Variants in SLC9A9 observed in about 807,000 individuals in gnomAD.
The protein encoded by SLC9A9 is solute carrier family 9 member A9, also known as sodium/hydrogen exchanger 9.
SLC9A9 carries 62 observed loss-of-function variants against 77.8 expected under a neutral mutation model. The observed-to-expected ratio is 0.80, with a 90% CI of 0.65 to 0.98. SLC9A9 has a LOEUF of 0.98. SLC9A9 is among the 50% of genes least tolerant of loss of function. The pLI, the probability that SLC9A9 is intolerant of heterozygous loss-of-function variation, is 0.00. For missense variants in SLC9A9, 775 were observed against 774.9 expected (o/e 1.00, Z 0.00); for synonymous variants, 320 against 283.5 (o/e 1.13, Z -1.29).
chr3:143,749,800 T>G (rs904756815), intron 4 of SLC9A9, among the ~76,000 whole-genome samples: 4 of 152,218 alleles, frequency 2.6e-5, no homozygotes, highest in African/African-American at 4.8e-5. Flanking sequence ...AGTATATTCC[T>G]ATATGGAAAT....
chr3:143,478,954 T>G (rs1159232038), intron 11 of SLC9A9, among the ~76,000 whole-genome samples: 8 of 152,244 alleles, frequency 5.3e-5, no homozygotes. Context: ...TGTGACACTT[T>G]GGATATCCTA....
intron 2 of SLC9A9, among the ~76,000 whole-genome samples, chr3:143,824,966 A>T (rs910056894): frequency 6.6e-6 from 1 of 152,230 alleles, no homozygotes; most frequent in African/African-American, 2.4e-5. Flanking sequence ...GCCAAACTTG[A>T]CATTCTCTGG....
intron 14 of SLC9A9, among the ~76,000 whole-genome samples, chr3:143,351,924 A>C (rs1227743275): frequency 6.6e-6 from 1 of 152,172 alleles, no homozygotes; most frequent in African/African-American, 2.4e-5. Context: ...TGAGGACTTT[A>C]GACTAAGAAA....
At chr3:143,688,770 T>TTTA in intron 5 of SLC9A9, among the ~76,000 whole-genome samples, 1 of 152,060 alleles carries the variant, frequency 6.6e-6, no homozygotes, top group Admixed American at 6.6e-5. Context: ...TCATGTTCTT[T>TTTA]CAATCAACCT....
intron 12 of SLC9A9, among the ~76,000 whole-genome samples, chr3:143,433,989 C>A (rs944820082): frequency 9.2e-5 from 14 of 152,196 alleles, no homozygotes; most frequent in Non-Finnish European, 1.9e-4. Context: ...GCTTTCCTGG[C>A]TCTGTCACCT....
chr3:143,632,218 G>A (rs938060017), intron 6 of SLC9A9, among the ~76,000 whole-genome samples: 2 of 152,152 alleles, frequency 1.3e-5, no homozygotes, highest in African/African-American at 4.8e-5. Context: ...TACGATCTCA[G>A]CTTTGCAAAA....
intron 12 of SLC9A9, among the ~76,000 whole-genome samples, chr3:143,384,700 A>C (rs1257272778): frequency 1.3e-5 from 2 of 152,136 alleles, no homozygotes; most frequent in Non-Finnish European, 2.9e-5. Flanking sequence ...ACTGGGAAGA[A>C]GACTGTACCT....
At chr3:143,794,696 C>T (rs1316974255) in intron 4 of SLC9A9, among the ~76,000 whole-genome samples, 3 of 152,084 alleles carry the variant, frequency 2.0e-5, no homozygotes, top group Admixed American at 6.5e-5. Flanking sequence ...GTGAGCATAT[C>T]GGCATTACTC....
intron 2 of SLC9A9, among the ~76,000 whole-genome samples, chr3:143,820,027 A>G (rs2009125854): frequency 2.0e-5 from 3 of 152,224 alleles, no homozygotes; most frequent in African/African-American, 2.4e-5. Flanking sequence ...CAACAATAGC[A>G]AGTAACACTT....
intron 14 of SLC9A9, among the ~76,000 whole-genome samples, chr3:143,359,964 GACTGTATCATGTA>G: frequency 6.6e-6 from 1 of 152,184 alleles, no homozygotes; most frequent in African/African-American, 2.4e-5. Context: ...GTGAGCTCTG[GACTGTATCATGTA>G]AGGAGTCCTA....
intron 6 of SLC9A9, among the ~76,000 whole-genome samples, chr3:143,612,421 G>C (rs113753481): frequency 6.6e-6 from 1 of 152,146 alleles, no homozygotes; most frequent in Non-Finnish European, 1.5e-5. Flanking sequence ...AACCCTAAGT[G>C]AATAAGAGCT....
At chr3:143,279,348 A>G (rs1276802405) in intron 14 of SLC9A9, among the ~76,000 whole-genome samples, 1 of 152,230 alleles carries the variant, frequency 6.6e-6, no homozygotes, top group Non-Finnish European at 1.5e-5. Context: ...TGCCATAGGA[A>G]TGACCCATGT....
At chr3:143,562,261 G>A (rs2037100314) in intron 8 of SLC9A9, among the ~76,000 whole-genome samples, 1 of 152,180 alleles carries the variant, frequency 6.6e-6, no homozygotes, top group Non-Finnish European at 1.5e-5. Context: ...CTCAAAGGGA[G>A]TAATTTCTTT....
At chr3:143,393,776 C>A (rs1202990292) in intron 12 of SLC9A9, among the ~76,000 whole-genome samples, 1 of 151,676 alleles carries the variant, frequency 6.6e-6, no homozygotes, top group Non-Finnish European at 1.5e-5. Context: ...GATATCACCA[C>A]CGATCCCACA....
chr3:143,424,158 C>T (rs932842461), intron 12 of SLC9A9, among the ~76,000 whole-genome samples: 6 of 151,850 alleles, frequency 4.0e-5, no homozygotes, highest in East Asian at 1.9e-4. Context: ...ATTGTGGTTA[C>T]GTAGGATTCT....
chr3:143,356,183 T>C lies in SLC9A9; in HGVS notation c.1604+7301A>G, dbSNP rs185348330. ...ACTTGTCAGGTCTCCAGAAGAGTTT[T>C]ATACCAACTACAGAATATTGCAGTG... On this transcript the variant is annotated intron_variant, in intron 14 of 15. Transcript: ENST00000316549. Among the ~76,000 whole-genome samples the C allele has an allele frequency of 2.0e-5, 3 of 152,310 alleles. No homozygotes were observed. In the East Asian group the frequency reaches 5.8e-4, roughly 29 times the overall value.
chr3:143,757,003 A>G (rs992833740), intron 4 of SLC9A9, among the ~76,000 whole-genome samples: 1 of 152,196 alleles, frequency 6.6e-6, no homozygotes, highest in African/African-American at 2.4e-5. Flanking sequence ...TAAAATACAA[A>G]TACTTTCTAC....
At chr3:143,811,273 G>A (rs1027339255) in intron 2 of SLC9A9, among the ~76,000 whole-genome samples, 1 of 152,162 alleles carries the variant, frequency 6.6e-6, no homozygotes, top group Non-Finnish European at 1.5e-5. Flanking sequence ...CACACCTAGG[G>A]ACAGCTCAAG....
At chr3:143,301,554 T>C (rs2030515027) in intron 14 of SLC9A9, among the ~76,000 whole-genome samples, 1 of 152,028 alleles carries the variant, frequency 6.6e-6, no homozygotes, top group Non-Finnish European at 1.5e-5. Context: ...AATAGCTGGG[T>C]GTTAGGGCCA....
Sources: gnomAD v4.1 joint callset for allele counts (sites outside exome capture counted in the v4.1 genomes callset) on GRCh38, gnomAD v4.1.1 for gene constraint, MANE v1.5 for transcripts, NCBI Gene and HGNC (gene_info 2026-07-23, HGNC 2026-07-21) for gene names.